TRABD2B: variants seen among roughly 807,000 people sequenced by gnomAD.
TRABD2B encodes metalloprotease TIKI2.
TRABD2B carries 14 observed loss-of-function variants against 40.1 expected under a neutral mutation model. The ratio of observed to expected loss-of-function variants is 0.35; its 90% CI spans 0.23 to 0.55. The LOEUF (loss-of-function observed/expected upper bound fraction) is 0.55. Among genes scored for constraint, TRABD2B ranks in the 20% least tolerant of loss-of-function variants. TRABD2B has a pLI of 0.90. For missense variants in TRABD2B, 541 were observed against 648.6 expected (o/e 0.83, Z 1.80); for synonymous variants, 263 against 277.0 (o/e 0.95, Z 0.50).
At chr1:47,886,697 A>T (rs1009498745) in intron 2 of TRABD2B, among the ~76,000 whole-genome samples, 1 of 152,200 alleles carries the variant, frequency 6.6e-6, no homozygotes, top group Non-Finnish European at 1.5e-5. Flanking sequence ...ACAACAAAAA[A>T]TATTATGTTT....
At chr1:47,842,154 G>C (rs77510602) in intron 2 of TRABD2B, among the ~76,000 whole-genome samples, 2 of 152,154 alleles carry the variant, frequency 1.3e-5, no homozygotes, top group Non-Finnish European at 2.9e-5. Flanking sequence ...AGAAAGTGCC[G>C]GGCACAATGT....
rs145478956 is a variant in TRABD2B, at chr1:47,788,807, G to C, written c.988+5779C>G. Among the ~76,000 whole-genome samples, 41 of 152,300 alleles carry C rather than the reference G, an allele frequency of 2.7e-4. No individual in the cohort carries two copies. In the Middle Eastern group the frequency reaches 0.02, roughly 76 times the overall value. On this transcript the variant is annotated intron_variant, in intron 4 of 6. Coordinates refer to ENST00000606738, the MANE Select transcript of TRABD2B (RefSeq NM_001194986.2). The stretch of plus-strand genomic sequence containing the variant: ...AGTGTGTGATAACCACTGGTTCTCA[G>C]AGTTTGAAATGAATGGGCCCTAGAG...
chr1:47,832,217 C>T (rs1400391913), intron 2 of TRABD2B, among the ~76,000 whole-genome samples: 7 of 152,078 alleles, frequency 4.6e-5, no homozygotes, highest in African/African-American at 7.2e-5. Flanking sequence ...CCTGTATTCC[C>T]AGCTACTTGG....
chr1:47,938,920 AGT>A (rs1384861508), intron 2 of TRABD2B, among the ~76,000 whole-genome samples: 1 of 113,728 alleles, frequency 8.8e-6, no homozygotes, highest in Non-Finnish European at 1.8e-5. Context: ...GAAAAGTAAG[AGT>A]GTGTGCATGA....
chr1:47,827,535 T>C (rs1340673474), intron 2 of TRABD2B, among the ~76,000 whole-genome samples: 1 of 152,194 alleles, frequency 6.6e-6, no homozygotes, highest in East Asian at 1.9e-4. Context: ...TCCCTTCAGA[T>C]TCACAGCACC....
At chr1:47,862,064 C>G (rs1643981246) in intron 2 of TRABD2B, among the ~76,000 whole-genome samples, 2 of 152,134 alleles carry the variant, frequency 1.3e-5, no homozygotes. Flanking sequence ...GATCCAAGCT[C>G]TCAGTAAGTA....
chr1:47,875,219 T>C (rs1480592041), intron 2 of TRABD2B, among the ~76,000 whole-genome samples: 5 of 151,812 alleles, frequency 3.3e-5, no homozygotes, highest in African/African-American at 1.2e-4. Context: ...GTTAAAAGCA[T>C]GTTAGCACTC....
At chr1:47,884,711 G>A (rs904500706) in intron 2 of TRABD2B, among the ~76,000 whole-genome samples, 4 of 152,060 alleles carry the variant, frequency 2.6e-5, no homozygotes, top group Admixed American at 1.3e-4. Flanking sequence ...TACCTCCCAG[G>A]TTCAAGCGAT....
At chr1:47,892,333 TGAA>T (rs1332519590) in intron 2 of TRABD2B, among the ~76,000 whole-genome samples, 1 of 152,200 alleles carries the variant, frequency 6.6e-6, no homozygotes, top group African/African-American at 2.4e-5. Context: ...TGTGCTGAAT[TGAA>T]GAAGTCTGGT....
chr1:47,973,910 C>T (rs1645717419), intron 2 of TRABD2B, among the ~76,000 whole-genome samples: 1 of 152,136 alleles, frequency 6.6e-6, no homozygotes, highest in Admixed American at 6.5e-5. Flanking sequence ...TCGAGACCAG[C>T]CTGGGCAAGA....
At chr1:47,851,353 T>C (rs184809788) in intron 2 of TRABD2B, among the ~76,000 whole-genome samples, 17 of 152,290 alleles carry the variant, frequency 1.1e-4, no homozygotes, top group Admixed American at 2.6e-4. Flanking sequence ...AACCAGCCTT[T>C]TAAATATCAA....
intron 2 of TRABD2B, among the ~76,000 whole-genome samples, chr1:47,909,555 GA>G (rs1644726813): frequency 1.1e-5 from 1 of 90,708 alleles, no homozygotes; most frequent in Non-Finnish European, 2.3e-5. Flanking sequence ...GGAGAAGAAG[GA>G]AGAAGGAGGA....
chr1:47,972,511 C>A (rs1211947846), intron 2 of TRABD2B, among the ~76,000 whole-genome samples: 1 of 150,162 alleles, frequency 6.7e-6, no homozygotes, highest in Non-Finnish European at 1.5e-5. Context: ...TAAAAGAGAC[C>A]CCAGAGAGCT....
chr1:47,891,451 G>A (rs749299890), intron 2 of TRABD2B, among the ~76,000 whole-genome samples: 28 of 152,090 alleles, frequency 1.8e-4, no homozygotes, highest in Admixed American at 3.3e-4. Context: ...TATGAGCCAC[G>A]GGACTACCTT....
intron 2 of TRABD2B, among the ~76,000 whole-genome samples, chr1:47,922,780 C>G (rs1435688508): frequency 6.6e-6 from 1 of 152,204 alleles, no homozygotes; most frequent in African/African-American, 2.4e-5. Flanking sequence ...GACTTATTTC[C>G]TAAGTTTCCA....
chr1:47,761,301 G>A lies in TRABD2B; in HGVS notation c.*4601C>T, dbSNP rs541025803. On this transcript the variant is annotated 3_prime_UTR_variant, in exon 7 of 7. Coordinates refer to ENST00000606738, the MANE Select transcript of TRABD2B (RefSeq NM_001194986.2). ...GCTCCCTGGAAAGAGCCAAGTAGGGGGTCAATCAGTTCTCGTGAACCCTTT... is the reference window on the plus strand; with the variant it reads ...GCTCCCTGGAAAGAGCCAAGTAGGGAGTCAATCAGTTCTCGTGAACCCTTT... 3.3e-5 allele frequency: 5 copies of A among 152,454 alleles called. No homozygotes were observed. The highest frequency in any genetic ancestry group is 7.2e-5 in the African/African-American group (3 of 41,596). The allele number at this position is 152,454 out of a possible 1,614,324, so 9.4% of individuals were successfully genotyped here.
At chr1:47,959,428 G>GT (rs553262445) in intron 2 of TRABD2B, among the ~76,000 whole-genome samples, 227 of 152,268 alleles carry the variant, frequency 1.5e-3, no homozygotes, top group African/African-American at 5.1e-3. Flanking sequence ...CCAGGGGCTG[G>GT]TTTTTTGAAA....
intron 2 of TRABD2B, among the ~76,000 whole-genome samples, chr1:47,927,166 A>G (rs1002325114): frequency 3.3e-5 from 5 of 152,182 alleles, no homozygotes; most frequent in Admixed American, 1.3e-4. Flanking sequence ...GCATGAGTGA[A>G]GGTGAGGACA....
intron 2 of TRABD2B, among the ~76,000 whole-genome samples, chr1:47,963,881 T>G (rs1645559417): frequency 6.6e-6 from 1 of 152,190 alleles, no homozygotes; most frequent in Non-Finnish European, 1.5e-5. Flanking sequence ...GTTAACAACG[T>G]CTAGTCTGCA....
Sources: allele counts gnomAD v4.1 joint callset (sites outside exome capture counted in the v4.1 genomes callset), GRCh38; gene constraint gnomAD v4.1.1; transcripts MANE v1.5; gene names NCBI Gene and HGNC (gene_info 2026-07-23, HGNC 2026-07-21).